Variants in NRXN3 observed in about 807,000 individuals in gnomAD.
NRXN3 encodes neurexin 3, also known as neurexin III.
NRXN3 carries 32 observed loss-of-function variants against 137.6 expected under a neutral mutation model. The observed-to-expected ratio is 0.23, with a 90% CI of 0.18 to 0.31. NRXN3 has a LOEUF of 0.31. Ranked by LOEUF, NRXN3 falls within the 10% of genes least tolerant of loss-of-function variation. The pLI is 1.00. For synonymous variants in NRXN3, 798 were observed against 784.5 expected, an observed-to-expected ratio of 1.02 and a Z score of -0.29; for missense variants, 1,574 against 2,062.5, an observed-to-expected ratio of 0.76 and a Z score of 4.59.
At chr14:79,358,613 G>GAAAGAAAT (rs1378603575) in intron 15 of NRXN3, among the ~76,000 whole-genome samples, 1 of 129,064 alleles carries the variant, frequency 7.7e-6, no homozygotes, top group Non-Finnish European at 1.6e-5. Context: ...GAAAGAGAAA[G>GAAAGAAAT]AAAGAAAGAA....
At chr14:78,568,767 T>C (rs2096859929) in intron 4 of NRXN3, among the ~76,000 whole-genome samples, 1 of 152,136 alleles carries the variant, frequency 6.6e-6, no homozygotes, top group Non-Finnish European at 1.5e-5. Context: ...GTTCATCATG[T>C]GGCAAATGTG....
intron 4 of NRXN3, among the ~76,000 whole-genome samples, chr14:78,329,997 T>A (rs1249601689): frequency 6.6e-6 from 1 of 152,148 alleles, no homozygotes; most frequent in African/African-American, 2.4e-5. Flanking sequence ...CAGCAGATGC[T>A]CCCAGGGTAA....
intron 15 of NRXN3, among the ~76,000 whole-genome samples, chr14:79,196,336 G>A (rs894582457): frequency 6.6e-6 from 1 of 152,182 alleles, no homozygotes; most frequent in African/African-American, 2.4e-5. Context: ...AAGTCTTAGT[G>A]CATGAAACTG....
chr14:78,927,218 A>C (rs932996407), intron 10 of NRXN3, among the ~76,000 whole-genome samples: 1 of 150,752 alleles, frequency 6.6e-6, no homozygotes, highest in African/African-American at 2.4e-5. Flanking sequence ...GTGCTGATCA[A>C]CAAGGTAGAC....
intron 8 of NRXN3, among the ~76,000 whole-genome samples, chr14:78,765,719 A>C (rs911032364): frequency 3.3e-5 from 5 of 150,040 alleles, no homozygotes; most frequent in Non-Finnish European, 7.4e-5. Flanking sequence ...AAGTGAATAA[A>C]TGTTGATATA....
At chr14:78,287,090 G>C (rs2075263172) in intron 3 of NRXN3, among the ~76,000 whole-genome samples, 1 of 152,094 alleles carries the variant, frequency 6.6e-6, no homozygotes, top group South Asian at 2.1e-4. Context: ...AGTTCTCCCA[G>C]GTGATTCTAA....
At chr14:78,554,400 A>G (rs1376959552) in intron 4 of NRXN3, among the ~76,000 whole-genome samples, 1 of 151,858 alleles carries the variant, frequency 6.6e-6, no homozygotes, top group Non-Finnish European at 1.5e-5. Context: ...GGCTCCCTGT[A>G]CTCACTGCTG....
intron 15 of NRXN3, among the ~76,000 whole-genome samples, chr14:79,256,991 A>G (rs1430007595): frequency 6.6e-6 from 1 of 152,146 alleles, no homozygotes; most frequent in Non-Finnish European, 1.5e-5. Flanking sequence ...CATCTCTGAA[A>G]ACAAGAGATT....
chr14:78,474,176 T>A (rs1338405118), intron 4 of NRXN3, among the ~76,000 whole-genome samples: 1 of 152,206 alleles, frequency 6.6e-6, no homozygotes, highest in African/African-American at 2.4e-5. Flanking sequence ...ATTCATCTGA[T>A]AAGAAGAGAG....
At chr14:78,339,318 G>T (rs906299716) in intron 4 of NRXN3, among the ~76,000 whole-genome samples, 6 of 152,162 alleles carry the variant, frequency 3.9e-5, no homozygotes, top group African/African-American at 9.7e-5. Context: ...CTTGCTCAAA[G>T]TCTCAAAGCT....
At chr14:79,380,164 T>C (rs1005011883) in intron 15 of NRXN3, among the ~76,000 whole-genome samples, 4 of 149,278 alleles carry the variant, frequency 2.7e-5, no homozygotes, top group African/African-American at 9.8e-5. Context: ...TTTTTTTTTT[T>C]TTTGGTAGAT....
chr14:78,561,421 C>T (rs993163510), intron 4 of NRXN3, among the ~76,000 whole-genome samples: 10 of 152,156 alleles, frequency 6.6e-5, no homozygotes, highest in Admixed American at 2.0e-4. Context: ...ATTACATACA[C>T]TCAGCACCAT....
chr14:78,782,089 G>C (rs913948311), intron 8 of NRXN3, among the ~76,000 whole-genome samples: 2 of 152,170 alleles, frequency 1.3e-5, no homozygotes, highest in Non-Finnish European at 2.9e-5. Flanking sequence ...GGGCTTCCCC[G>C]GGGGTCTGCC....
chr14:78,622,917 T>G (rs2097420373), intron 4 of NRXN3, among the ~76,000 whole-genome samples: 1 of 152,252 alleles, frequency 6.6e-6, no homozygotes, highest in Admixed American at 6.5e-5. Context: ...AGACTTAAAG[T>G]GCAATTTTTA....
At chr14:78,828,263 A>G (rs1329812720) in intron 10 of NRXN3, among the ~76,000 whole-genome samples, 2 of 152,204 alleles carry the variant, frequency 1.3e-5, no homozygotes, top group Non-Finnish European at 2.9e-5. Context: ...TTTGGAGAGA[A>G]TGTTGCTTCA....
intron 15 of NRXN3, among the ~76,000 whole-genome samples, chr14:79,159,732 T>G (rs1461457485): frequency 6.6e-6 from 1 of 151,848 alleles, no homozygotes; most frequent in Non-Finnish European, 1.5e-5. Context: ...TGTCCTTGTT[T>G]CAATTTTAGC....
intron 8 of NRXN3, among the ~76,000 whole-genome samples, chr14:78,794,911 C>T (rs1329255062): frequency 1.6e-5 from 2 of 121,574 alleles, no homozygotes; most frequent in African/African-American, 3.2e-5. Flanking sequence ...CCTGTCTTTA[C>T]AAAAACAAAC....
At chr14:78,301,407 C>A (rs900496871) in intron 4 of NRXN3, among the ~76,000 whole-genome samples, 1 of 152,156 alleles carries the variant, frequency 6.6e-6, no homozygotes, top group African/African-American at 2.4e-5. Flanking sequence ...CAAACTTGCG[C>A]CAACACTCTG....
At chr14:78,225,253 C>T (rs1455590774) in intron 1 of NRXN3, among the ~76,000 whole-genome samples, 1 of 152,156 alleles carries the variant, frequency 6.6e-6, no homozygotes, top group African/African-American at 2.4e-5. Context: ...ACATCCTCTC[C>T]AGCACCTGTT....
Sources: allele counts gnomAD v4.1 joint callset (sites outside exome capture counted in the v4.1 genomes callset), GRCh38; gene constraint gnomAD v4.1.1; transcripts MANE v1.5; gene names NCBI Gene and HGNC (gene_info 2026-07-23, HGNC 2026-07-21).